The following AACS variants were observed in gnomAD, a reference collection of about 807,000 sequenced individuals.
AACS encodes acetoacetate-CoA ligase.
Under a neutral mutation model 83.1 loss-of-function variants are expected in AACS, and 69 were observed. The ratio of observed to expected loss-of-function variants is 0.83; its 90% CI spans 0.68 to 1.01. AACS has a LOEUF of 1.01. Among genes scored for constraint, AACS ranks in the 50% least tolerant of loss-of-function variants. The pLI, the probability that AACS is intolerant of heterozygous loss-of-function variation, is 0.00. For synonymous variants in AACS, 333 were observed against 343.4 expected (o/e 0.97, Z 0.33); for missense variants, 866 against 882.2 (o/e 0.98, Z 0.23).
intron 4 of AACS, among the ~76,000 whole-genome samples, chr12:125,089,174 C>G (rs1372552236): frequency 6.6e-6 from 1 of 152,236 alleles, no homozygotes; most frequent in East Asian, 1.9e-4. Context: ...ATAGCCAAGT[C>G]TCATCTTCGC....
At chr12:125,107,544 G>A (rs1347941759) in intron 8 of AACS, among the ~76,000 whole-genome samples, 1 of 152,342 alleles carries the variant, frequency 6.6e-6, no homozygotes, top group South Asian at 2.1e-4. Context: ...GGGGTGGGGG[G>A]TGCGCTGGCT....
At chr12:125,090,270 TTCC>T (rs2136073856) in intron 4 of AACS, among the ~76,000 whole-genome samples, 1 of 6,474 alleles carries the variant, frequency 1.5e-4, no homozygotes, top group South Asian at 4.5e-3. Flanking sequence ...TCCATCCATC[TTCC>T]ATTTATCATC....
chr12:125,134,894 A>G, intron 16 of AACS, 42 bp downstream of exon 16: 2 of 1,612,308 alleles, frequency 1.2e-6, no homozygotes, highest in Non-Finnish European at 1.7e-6. Context: ...GTCTCCAGGA[A>G]GGAGGAGGGT....
chr12:125,080,084 TC>T (rs1956132822), intron 3 of AACS, among the ~76,000 whole-genome samples: 1 of 152,346 alleles, frequency 6.6e-6, no homozygotes, highest in African/African-American at 2.4e-5. Flanking sequence ...AGACCACATT[TC>T]GTTGATCCCT....
At chr12:125,082,019 G>A (rs1321028365) in intron 3 of AACS, among the ~76,000 whole-genome samples, 1 of 151,934 alleles carries the variant, frequency 6.6e-6, no homozygotes, top group African/African-American at 2.4e-5. Flanking sequence ...GGGATTACAG[G>A]CACGTGCCAG....
chr12:125,072,172 T>TA (rs397851255), intron 1 of AACS, among the ~76,000 whole-genome samples: 3 of 150,948 alleles, frequency 2.0e-5, no homozygotes, highest in South Asian at 2.1e-4. Flanking sequence ...TTTTTTTTTT[T>TA]AAATGGGGTC....
In AACS at chr12:125,110,409, C is replaced by T. The variant is rs190282096; in HGVS notation, c.915+3141C>T. Among the ~76,000 whole-genome samples the T allele has an allele frequency of 1.7e-4, 26 of 152,320 alleles. 1 individual carries two copies. The East Asian group carries it at 5.0e-3, about 29-fold the overall frequency. Reference sequence around the variant, plus strand: ...TTCTAATAACTGCTATCACATCTTACTTCCTCTGATCCTCTTCTGCCCCTG... The same window carrying T: ...TTCTAATAACTGCTATCACATCTTATTTCCTCTGATCCTCTTCTGCCCCTG... On this transcript the variant is annotated intron_variant, in intron 8 of 17. Transcript: ENST00000316519.
chr12:125,092,178 C>T (rs541128099), intron 5 of AACS, among the ~76,000 whole-genome samples: 1 of 152,362 alleles, frequency 6.6e-6, no homozygotes, highest in East Asian at 1.9e-4. Context: ...CCAGGGCCCT[C>T]TCCTGGCTGC....
rs181801782 is a variant in AACS at position 125,075,224 on chromosome 12, C to T, written c.237+1245C>T. On this transcript the variant is annotated intron_variant, in intron 2 of 17. Coordinates refer to ENST00000316519, the MANE Select transcript of AACS (RefSeq NM_023928.5). ...TCCTGACCTCATGATCTGCCCGCCT[C>T]AGCTTTCCAAAGTGCTGGGATTACA... Among the ~76,000 whole-genome samples the T allele has an allele frequency of 3.7e-3, 568 of 151,676 alleles. 2 individuals are homozygous for T. Among genetic ancestry groups the T allele is most frequent in the Middle Eastern group, 0.021 (6 of 292 alleles).
intron 3 of AACS, among the ~76,000 whole-genome samples, chr12:125,085,079 G>A (rs1956299752): frequency 6.6e-6 from 1 of 152,226 alleles, no homozygotes; most frequent in Admixed American, 6.5e-5. Flanking sequence ...CCCGGGGTGG[G>A]GGTGGTGTAG....
rs201921455 is a variant in AACS, at chr12:125,091,534, G to A, written c.570+11G>A. The A allele has an allele frequency of 7.4e-3, 11,935 of 1,613,968 alleles. 55 individuals are homozygous for A. The highest frequency in any genetic ancestry group is 8.6e-3 in the Non-Finnish European group (10,128 of 1,179,806). ...GACTTCGGTGTGAATGTGAGTCAGG[G>A]TCTGTGACAGAGGGGGCACCCCTTG... On this transcript the variant is annotated intron_variant, in intron 5 of 17. Coordinates refer to ENST00000316519, the MANE Select transcript of AACS (RefSeq NM_023928.5).
rs1418279267 is a variant in AACS at position 125,140,397 on chromosome 12, G to A, written c.1882-1695G>A. On this transcript the variant is annotated intron_variant, in intron 17 of 17. Coordinates refer to ENST00000316519, the MANE Select transcript of AACS (RefSeq NM_023928.5). The surrounding 1 kb of genome is among the most constrained non-coding windows in gnomAD (Gnocchi z 5.1). ...GCTGTATTTTGCCAGCGGGTGGAAG[G>A]TGGCGGTATTAGCTCCCGTGAGCTG... 3 of 152,224 alleles carry A rather than the reference G, an allele frequency of 2.0e-5. No individual in the cohort carries two copies. Among genetic ancestry groups the A allele is most frequent in the African/African-American group, 7.2e-5 (3 of 41,438 alleles). The allele number at this position is 152,224 out of a possible 1,614,324, so 9.4% of individuals were successfully genotyped here. A position where few individuals can be genotyped will look rare whatever the true frequency, so the allele number is the denominator to read the frequency against.
chr12:125,072,806 GAA>G (rs75772712), intron 1 of AACS, among the ~76,000 whole-genome samples: 3 of 152,106 alleles, frequency 2.0e-5, no homozygotes, highest in African/African-American at 7.2e-5. Context: ...TGATGGTGGG[GAA>G]AAGTTATTTT....
intron 1 of AACS, among the ~76,000 whole-genome samples, chr12:125,069,092 C>T (rs549195902): frequency 2.6e-5 from 4 of 152,162 alleles, no homozygotes; most frequent in African/African-American, 9.7e-5. Flanking sequence ...CCACCCACCT[C>T]GACCTCCCAA....
chr12:125,065,438 CCCTTGTTCCCCGCCGCCG>C lies in AACS; in HGVS notation c.-144_-127del. On this transcript the variant is annotated 5_prime_UTR_variant, in exon 1 of 18. Coordinates refer to ENST00000316519, the MANE Select transcript of AACS (RefSeq NM_023928.5). ...CAGGAGGCGGCGGCGGCCGTTCAGT[CCCTTGTTCCCCGCCGCCG>C]CCGTCGCTGACCCAGCCCGCCAGGC... The C allele has an allele frequency of 1.2e-6, 1 of 853,498 alleles. No individual in the cohort carries two copies. Among genetic ancestry groups the C allele is most frequent in the Non-Finnish European group, 1.6e-6 (1 of 614,014 alleles). 52.9% of individuals were successfully genotyped at this position (853,498 alleles called of 1,614,324 possible). A position where few individuals can be genotyped will look rare whatever the true frequency, so the allele number is the denominator to read the frequency against.
At chr12:125,082,832 G>GAC (rs141554450) in intron 3 of AACS, among the ~76,000 whole-genome samples, 1,965 of 151,100 alleles carry the variant, frequency 0.013, 23 homozygotes, top group African/African-American at 0.038. Flanking sequence ...AACACACACA[G>GAC]ACACACACAC....
chr12:125,137,647 G>C (rs1015071568), intron 17 of AACS, among the ~76,000 whole-genome samples: 8 of 152,190 alleles, frequency 5.3e-5, no homozygotes, highest in African/African-American at 1.4e-4. Flanking sequence ...GATTCTAAGT[G>C]GGGGAGGAGG....
At chr12:125,079,944 A>G (rs1272746255) in intron 3 of AACS, among the ~76,000 whole-genome samples, 1 of 152,130 alleles carries the variant, frequency 6.6e-6, no homozygotes, top group East Asian at 1.9e-4. Context: ...GTATAATTGG[A>G]TCATACGATA....
chr12:125,114,980 G>A (rs937272622), intron 9 of AACS, among the ~76,000 whole-genome samples: 3 of 152,072 alleles, frequency 2.0e-5, no homozygotes, highest in African/African-American at 7.2e-5. Flanking sequence ...CTTCTCTGGG[G>A]CGCTGCCTGT....
Sources: gnomAD v4.1 joint callset for allele counts (sites outside exome capture counted in the v4.1 genomes callset) on GRCh38, gnomAD v4.1.1 for gene constraint, Gnocchi (gnomAD v3.1) non-coding constraint, MANE v1.5 for transcripts, NCBI Gene and HGNC (gene_info 2026-07-23, HGNC 2026-07-21) for gene names.